Variants in HYDIN observed in about 807,000 individuals in gnomAD.
HYDIN encodes HYDIN axonemal central pair apparatus protein, also known as axonemal central pair apparatus protein HYDIN.
A neutral mutation model predicts 403.9 loss-of-function variants in HYDIN; 132 were observed. The ratio of observed to expected loss-of-function variants is 0.33; its 90% CI spans 0.28 to 0.38. The LOEUF (loss-of-function observed/expected upper bound fraction) is 0.38. Among genes scored for constraint, HYDIN ranks in the 10% least tolerant of loss-of-function variants. The pLI, the probability that HYDIN is intolerant of heterozygous loss-of-function variation, is 1.00. For missense variants in HYDIN, 2,827 were observed against 5,009.5 expected (o/e 0.56, Z 13.15); for synonymous variants, 1,202 against 1,891.7 (o/e 0.64, Z 9.46).
intron 76 of HYDIN, 60 bp from the exon 77 acceptor site, chr16:70,837,948 T>C (rs1371804154): frequency 6.5e-7 from 1 of 1,541,366 alleles, no homozygotes; most frequent in East Asian, 2.3e-5. Context: ...GAGGGGCAGA[T>C]GCTGTCTCCT....
Position 71,175,830 on chromosome 16 carries a change from T to C in HYDIN, c.382-89A>G, listed in dbSNP as rs1337374012. The C allele has an allele frequency of 3.0e-6, 4 of 1,351,386 alleles. No homozygotes were observed. The Admixed American group carries it at 6.7e-5, about 23-fold the overall frequency. The allele number at this position is 1,351,386 out of a possible 1,614,324, so 83.7% of individuals were successfully genotyped here. The stretch of plus-strand genomic sequence containing the variant: ...AAATCCATCAACTACTTACTAGACG[T>C]GTGACCTTGGTCAGGTCTGAACTTC... On this transcript the variant is annotated intron_variant, in intron 4 of 85. Coordinates refer to ENST00000393567, the MANE Select transcript of HYDIN (RefSeq NM_001270974.2).
intron 5 of HYDIN, among the ~76,000 whole-genome samples, chr16:71,171,099 C>T (rs533656537): frequency 6.6e-6 from 1 of 152,336 alleles, no homozygotes; most frequent in Admixed American, 6.5e-5. Context: ...TACCATGTTT[C>T]CAACAGCTTC....
chr16:71,092,549 C>G (rs1169218036), intron 11 of HYDIN, among the ~76,000 whole-genome samples: 1 of 152,128 alleles, frequency 6.6e-6, no homozygotes, highest in Non-Finnish European at 1.5e-5. Context: ...ATAGTTCTCA[C>G]AAATAGGTTT....
intron 10 of HYDIN, among the ~76,000 whole-genome samples, chr16:71,099,863 C>T (rs7501174): frequency 1.3e-5 from 2 of 152,050 alleles, no homozygotes; most frequent in Non-Finnish European, 2.9e-5. Context: ...GTTAGCCAGG[C>T]ATCATGGAGT....
chr16:70,957,438 T>C (rs1159953018), intron 39 of HYDIN, among the ~76,000 whole-genome samples: 1 of 151,786 alleles, frequency 6.6e-6, no homozygotes, highest in Non-Finnish European at 1.5e-5. Context: ...ATGATTCTCC[T>C]GCCTCAGCCT....
Position 70,868,750 on chromosome 16 carries a change from C to T in HYDIN, c.11130G>A (p.Val3710=), listed in dbSNP as rs1447276825. The T allele has an allele frequency of 7.4e-6, 12 of 1,614,000 alleles. No individual in the cohort carries two copies. In the East Asian group the frequency reaches 1.1e-4, roughly 15 times the overall value. The part of the protein sequence containing the change: ...HLHPGCAKDI[V]VTMKSDVPIN... ...TGGGTACATCTGACTTCATGGTCAC[C>T]ACTATGTCCTTGGCACACCCAGGGT... The change falls in exon 66 of 86, where the codon GTG becomes GTA. Residue 3710 remains valine, a synonymous_variant. Coordinates refer to ENST00000393567, the MANE Select transcript of HYDIN (RefSeq NM_001270974.2).
chr16:71,137,540 T>C (rs1238264619), intron 7 of HYDIN, among the ~76,000 whole-genome samples, 188 bp from the exon 8 acceptor site: 4 of 152,068 alleles, frequency 2.6e-5, no homozygotes, highest in Non-Finnish European at 5.9e-5. Context: ...GGTGCAGTTA[T>C]AGAAAAATCA....
At chr16:71,218,409 T>C (rs938642093) in intron 1 of HYDIN, among the ~76,000 whole-genome samples, 2 of 152,192 alleles carry the variant, frequency 1.3e-5, no homozygotes, top group African/African-American at 4.8e-5. Context: ...ACACAGAACC[T>C]TTCTTCTGAA....
intron 75 of HYDIN, among the ~76,000 whole-genome samples, chr16:70,842,848 C>T (rs1254652655): frequency 1.3e-5 from 2 of 151,826 alleles, no homozygotes. Flanking sequence ...TTACTGCCTT[C>T]TTTTGTGTTA....
At chr16:71,003,281 T>C (rs893601642) in intron 23 of HYDIN, among the ~76,000 whole-genome samples, 4 of 152,214 alleles carry the variant, frequency 2.6e-5, no homozygotes, top group East Asian at 1.9e-4. Flanking sequence ...TGGAAGTACA[T>C]TTAAACTATA....
At chr16:71,069,864 A>G (rs908452749) in intron 13 of HYDIN, among the ~76,000 whole-genome samples, 4 of 152,286 alleles carry the variant, frequency 2.6e-5, no homozygotes, top group African/African-American at 4.8e-5. Flanking sequence ...TATATTTTGC[A>G]TTTATTTCTT....
chr16:70,823,723 G>C (rs537165504), intron 83 of HYDIN, among the ~76,000 whole-genome samples: 2 of 152,060 alleles, frequency 1.3e-5, no homozygotes, highest in African/African-American at 4.8e-5. Flanking sequence ...GCAACTCTTA[G>C]CCAAGGATAG....
intron 23 of HYDIN, among the ~76,000 whole-genome samples, chr16:71,013,466 T>G (rs1253404990): frequency 6.6e-6 from 1 of 151,866 alleles, no homozygotes; most frequent in Non-Finnish European, 1.5e-5. Flanking sequence ...GCTCTGTACT[T>G]TATTCCAAGA....
chr16:71,190,759 A>C (rs998624773), intron 1 of HYDIN, among the ~76,000 whole-genome samples: 2 of 152,210 alleles, frequency 1.3e-5, no homozygotes, highest in African/African-American at 2.4e-5. Flanking sequence ...CACAGGCATT[A>C]TGTGCCTCCT....
intron 36 of HYDIN, 43 bp from the exon 37 acceptor site, chr16:70,964,939 A>G (rs745872088): frequency 1.2e-4 from 185 of 1,576,370 alleles, no homozygotes; most frequent in Non-Finnish European, 1.5e-4. Flanking sequence ...CTCACTAGAA[A>G]TCTCCCTGCA....
chr16:70,850,546 C>T lies in HYDIN; in HGVS notation c.12553G>A (p.Glu4185Lys), dbSNP rs750919238. 5 of 1,611,050 alleles carry T rather than the reference C, an allele frequency of 3.1e-6. No homozygotes were observed. The African/African-American group carries it at 4.0e-5, about 13-fold the overall frequency. ...ATCTCCACATTCATAGTGTAGCCCT[C>T]GGCCTTGACATTTAATGTCACAGGG... ...VHPVTLNVKA[E>K]GYTMNVEIKC... Residue 4185 changes from glutamate to lysine, a missense_variant, in exon 74 of 86, where the codon GAG becomes AAG. Transcript: ENST00000393567.
At chr16:71,139,750 TAA>T (rs2085096214) in intron 7 of HYDIN, among the ~76,000 whole-genome samples, 1 of 151,992 alleles carries the variant, frequency 6.6e-6, no homozygotes. Flanking sequence ...ACAAGGAAGA[TAA>T]AGTTAGAAGG....
chr16:70,841,889 A>G (rs922737452), intron 75 of HYDIN, among the ~76,000 whole-genome samples: 1 of 150,086 alleles, frequency 6.7e-6, no homozygotes, highest in African/African-American at 2.5e-5. Flanking sequence ...ATTATAAATT[A>G]CCCAGTCTCA....
intron 18 of HYDIN, among the ~76,000 whole-genome samples, chr16:71,054,454 ATTGT>A (rs2081797240): frequency 6.6e-6 from 1 of 152,044 alleles, no homozygotes; most frequent in African/African-American, 2.4e-5. Flanking sequence ...CTGGAGTCAT[ATTGT>A]TTGTCTATTA....
Sources: allele counts gnomAD v4.1 joint callset (sites outside exome capture counted in the v4.1 genomes callset), GRCh38; gene constraint gnomAD v4.1.1; transcripts MANE v1.5; gene names NCBI Gene and HGNC (gene_info 2026-07-23, HGNC 2026-07-21).